Variants in MDGA2 observed in about 807,000 individuals in gnomAD.
The protein encoded by MDGA2 is MAM domain-containing glycosylphosphatidylinositol anchor protein 2.
Under a neutral mutation model 117.8 loss-of-function variants are expected in MDGA2, and 40 were observed. That is an observed-to-expected ratio of 0.34 (90% confidence interval 0.26 to 0.44). MDGA2 has a LOEUF of 0.44. MDGA2 is among the 20% of genes least tolerant of loss of function. The pLI is 1.00. For missense variants in MDGA2, 1,123 were observed against 1,250.6 expected, an observed-to-expected ratio of 0.90 and a Z score of 1.54; for synonymous variants, 452 against 439.0, an observed-to-expected ratio of 1.03 and a Z score of -0.37.
chr14:47,455,228 G>C (rs917608683), intron 1 of MDGA2, among the ~76,000 whole-genome samples: 3 of 152,124 alleles, frequency 2.0e-5, no homozygotes, highest in Non-Finnish European at 4.4e-5. Context: ...CATTGCAGTC[G>C]GGTGCGGTGG....
At chr14:47,619,106 TCA>T (rs1235189680) in intron 1 of MDGA2, among the ~76,000 whole-genome samples, 1 of 132,946 alleles carries the variant, frequency 7.5e-6, no homozygotes, top group African/African-American at 2.9e-5. Context: ...TCTCTGAGCC[TCA>T]GTTTAATTAC....
At chr14:47,376,423 T>C (rs567031327) in intron 1 of MDGA2, among the ~76,000 whole-genome samples, 2 of 152,290 alleles carry the variant, frequency 1.3e-5, no homozygotes, top group Admixed American at 1.3e-4. Context: ...CCAACTATTA[T>C]TGGTCAATCT....
intron 10 of MDGA2, among the ~76,000 whole-genome samples, chr14:46,886,066 C>G (rs1483172133): frequency 2.0e-5 from 3 of 152,012 alleles, no homozygotes; most frequent in Admixed American, 6.6e-5. Context: ...TGCCTCTGGG[C>G]ACAAGACACA....
chr14:46,958,229 A>C (rs571415917), intron 8 of MDGA2, among the ~76,000 whole-genome samples: 20 of 152,200 alleles, frequency 1.3e-4, no homozygotes, highest in Non-Finnish European at 8.8e-5. Context: ...TGGTCAGGTG[A>C]GTAAGCAGTA....
intron 2 of MDGA2, among the ~76,000 whole-genome samples, chr14:47,293,311 A>G (rs534602786): frequency 6.6e-6 from 1 of 152,348 alleles, no homozygotes; most frequent in Non-Finnish European, 1.5e-5. Context: ...AAGAACTATC[A>G]TAACGGCATA....
intron 7 of MDGA2, among the ~76,000 whole-genome samples, chr14:47,045,251 A>C (rs933645289): frequency 6.6e-6 from 1 of 152,200 alleles, no homozygotes; most frequent in Non-Finnish European, 1.5e-5. Flanking sequence ...AAGGTTGCTA[A>C]GGTACGATTT....
At chr14:46,906,782 TA>T (rs1157646101) in intron 10 of MDGA2, among the ~76,000 whole-genome samples, 1 of 152,048 alleles carries the variant, frequency 6.6e-6, no homozygotes, top group Non-Finnish European at 1.5e-5. Flanking sequence ...ATAACCATAA[TA>T]GAGTCAATTA....
chr14:47,409,337 A>C (rs2138481864), intron 1 of MDGA2, among the ~76,000 whole-genome samples: 1 of 152,306 alleles, frequency 6.6e-6, no homozygotes, highest in South Asian at 2.1e-4. Context: ...CTGCTCTCTA[A>C]ATAATTTAAA....
intron 1 of MDGA2, among the ~76,000 whole-genome samples, chr14:47,533,050 T>C (rs148823810): frequency 3.3e-5 from 5 of 152,318 alleles, no homozygotes; most frequent in Admixed American, 6.5e-5. Context: ...CAGCATCCAC[T>C]TAATCCTGGG....
At chr14:47,058,367 A>G (rs550780323) in intron 7 of MDGA2, among the ~76,000 whole-genome samples, 15 of 152,310 alleles carry the variant, frequency 9.8e-5, no homozygotes, top group Admixed American at 5.2e-4. Context: ...TCAATTTCTT[A>G]TAATAGAAAT....
At chr14:47,197,077 T>C (rs1885313072) in intron 3 of MDGA2, among the ~76,000 whole-genome samples, 2 of 152,228 alleles carry the variant, frequency 1.3e-5, no homozygotes, top group Admixed American at 1.3e-4. Flanking sequence ...TTGATGGGTA[T>C]CTAGGTTGAT....
At chr14:47,624,373 G>A (rs948021388) in intron 1 of MDGA2, among the ~76,000 whole-genome samples, 1 of 152,124 alleles carries the variant, frequency 6.6e-6, no homozygotes, top group Non-Finnish European at 1.5e-5. Flanking sequence ...CAGGACAATC[G>A]TTTGAACCTA....
At position 47,035,216 on chromosome 14, in the gene MDGA2, G is replaced by A. The variant is rs1888803594; in HGVS notation, c.1614C>T (p.Gly538=). The A allele has an allele frequency of 1.2e-6, 2 of 1,614,044 alleles. No individual in the cohort carries two copies. The highest frequency in any genetic ancestry group is 1.7e-5 in the Admixed American group (1 of 60,008). ...DTIELQCQVT[G]KPKPIILWSR... ...ACCAAAGGATGATTGGTTTAGGTTT[G>A]CCAGTTACTTGACATTGCAGTTCTA... is the stretch of plus-strand genomic sequence containing the variant. The change falls in exon 8 of 17, where the codon GGC becomes GGT. Residue 538 remains glycine (G), a synonymous_variant. Transcript: ENST00000399232.
intron 8 of MDGA2, among the ~76,000 whole-genome samples, chr14:46,994,759 T>C (rs1391054400): frequency 6.6e-6 from 1 of 152,180 alleles, no homozygotes; most frequent in Non-Finnish European, 1.5e-5. Flanking sequence ...CCCTTAAGTA[T>C]AAAGCTTCTA....
intron 15 of MDGA2, among the ~76,000 whole-genome samples, chr14:46,846,088 C>T (rs902492433): frequency 6.6e-6 from 1 of 151,990 alleles, no homozygotes; most frequent in African/African-American, 2.4e-5. Context: ...ACATCAAAAG[C>T]TCTGTGTCGA....
At chr14:47,081,870 T>C (rs1029070886) in intron 6 of MDGA2, among the ~76,000 whole-genome samples, 6 of 152,158 alleles carry the variant, frequency 3.9e-5, no homozygotes, top group Non-Finnish European at 7.4e-5. Context: ...GATCATTACA[T>C]TGTAAAATTA....
At chr14:47,048,459 A>C (rs868669214) in intron 7 of MDGA2, among the ~76,000 whole-genome samples, 2 of 152,110 alleles carry the variant, frequency 1.3e-5, no homozygotes, top group African/African-American at 4.8e-5. Context: ...AAATTTTATT[A>C]CTTCTGCAAT....
chr14:46,981,161 TG>T (rs1886653838), intron 8 of MDGA2, among the ~76,000 whole-genome samples: 2 of 97,976 alleles, frequency 2.0e-5, no homozygotes. Context: ...CCCAGCACTT[TG>T]GGAGGCCAAG....
chr14:47,194,959 T>C (rs1004661206), intron 3 of MDGA2, among the ~76,000 whole-genome samples: 1 of 152,096 alleles, frequency 6.6e-6, no homozygotes, highest in Admixed American at 6.5e-5. Context: ...TGTATCATTT[T>C]CTTACTTATT....
Sources: allele counts gnomAD v4.1 joint callset (sites outside exome capture counted in the v4.1 genomes callset), GRCh38; gene constraint gnomAD v4.1.1; transcripts MANE v1.5; gene names NCBI Gene and HGNC (gene_info 2026-07-23, HGNC 2026-07-21).